DMD: variants seen among roughly 807,000 people sequenced by gnomAD.
DMD encodes the protein mutant dystrophin.
A neutral mutation model predicts 330.1 loss-of-function variants in DMD; 63 were observed. That is an observed-to-expected ratio of 0.19 (90% CI 0.16 to 0.24). DMD has a LOEUF of 0.24. DMD is among the 10% of genes least tolerant of loss of function. The probability of loss-of-function intolerance (pLI) is 1.00; values close to 1 mark genes in which losing one functional copy is unlikely to be tolerated. For synonymous variants in DMD, 1,223 were observed against 959.8 expected (o/e 1.27, Z -5.07); for missense variants, 3,344 against 2,684.1 (o/e 1.25, Z -5.43).
chrX:32,708,022 G>A (rs2064840881), intron 7 of DMD, among the ~76,000 whole-genome samples: 1 of 111,856 alleles, frequency 8.9e-6, no homozygotes, highest in Admixed American at 9.6e-5. Context: ...GTCAGTTTCA[G>A]AAGTAACTCC....
chrX:32,825,424 G>C (rs746749526), intron 4 of DMD, among the ~76,000 whole-genome samples: 1 of 111,305 alleles, frequency 9.0e-6, no homozygotes, highest in Admixed American at 9.6e-5. Context: ...CCTGATAAAG[G>C]AAAGTAAGGT....
intron 36 of DMD, among the ~76,000 whole-genome samples, chrX:32,363,472 G>A (rs980291947): frequency 1.2e-4 from 13 of 111,687 alleles, no homozygotes; most frequent in Admixed American, 2.9e-4. Context: ...TAACACATAC[G>A]AATTTTCTGT....
intron 69 of DMD, 101 bp from the exon 70 acceptor site, chrX:31,178,906 GGA>G (rs1237705739): frequency 9.8e-7 from 1 of 1,021,747 alleles, no homozygotes; most frequent in Non-Finnish European, 1.4e-6. Flanking sequence ...TTGTAATTAA[GGA>G]GAGTGTTGTG....
At chrX:32,220,017 A>G (rs565068853) in intron 43 of DMD, among the ~76,000 whole-genome samples, 54 of 111,478 alleles carry the variant, frequency 4.8e-4, no homozygotes, top group African/African-American at 1.6e-3. Flanking sequence ...AAGGGTTCAT[A>G]CACTTGCTCA....
chrX:32,167,889 A>G (rs984779778), intron 44 of DMD, among the ~76,000 whole-genome samples: 3 of 112,637 alleles, frequency 2.7e-5, no homozygotes, highest in African/African-American at 9.7e-5. Context: ...GGGAAATTCA[A>G]AAATAAATAC....
chrX:32,658,268 T>C (rs1367350768), intron 9 of DMD, among the ~76,000 whole-genome samples: 1 of 111,307 alleles, frequency 9.0e-6, no homozygotes, highest in Admixed American at 9.6e-5. Context: ...CCCCAAAATA[T>C]AGAAACTTAT....
chrX:31,208,037 GCTT>G (rs1286728555), intron 65 of DMD, among the ~76,000 whole-genome samples: 1 of 111,335 alleles, frequency 9.0e-6, no homozygotes, highest in Non-Finnish European at 1.9e-5. Flanking sequence ...TAGTTTTTTG[GCTT>G]CTTATTTTAT....
chrX:31,361,756 C>A (rs1052122773), intron 60 of DMD, among the ~76,000 whole-genome samples: 8 of 107,708 alleles, frequency 7.4e-5, no homozygotes, highest in Non-Finnish European at 1.3e-4. Flanking sequence ...AACAAGTCAT[C>A]ATTCTCTTAC....
intron 1 of DMD, among the ~76,000 whole-genome samples, chrX:33,125,536 C>T (rs986521605): frequency 9.0e-6 from 1 of 111,150 alleles, no homozygotes; most frequent in Admixed American, 9.7e-5. Flanking sequence ...CGTTGCGCCC[C>T]ATTAGAATAC....
chrX:32,762,384 C>T (rs2072437611), intron 7 of DMD, among the ~76,000 whole-genome samples: 1 of 111,471 alleles, frequency 9.0e-6, no homozygotes, highest in South Asian at 3.8e-4. Context: ...ATTCTCCTAG[C>T]TACTGGCTAT....
rs2075352859 is a variant in DMD at position 31,564,258 on chromosome X, T to C, written c.8218-56805A>G. On this transcript the variant is annotated intron_variant, in intron 55 of 78. Coordinates refer to ENST00000357033, the MANE Select transcript of DMD (RefSeq NM_004006.3). ...CATCCAGTTTGTGGTATTTCACTAT[T>C]GCAGTCATAGGAAACAAATACATTC... Among the ~76,000 whole-genome samples the C allele has an allele frequency of 2.7e-5, 3 of 111,968 alleles. No homozygotes were observed. In the Admixed American group the frequency reaches 2.8e-4, roughly 11 times the overall value.
At chrX:31,725,101 G>A (rs1423382337) in intron 52 of DMD, among the ~76,000 whole-genome samples, 1 of 111,468 alleles carries the variant, frequency 9.0e-6, no homozygotes, top group African/African-American at 3.3e-5. Flanking sequence ...TCCATTTGAT[G>A]TGCCTCGGGC....
chrX:31,244,958 C>T (rs777339752), intron 63 of DMD, among the ~76,000 whole-genome samples: 1 of 111,736 alleles, frequency 8.9e-6, no homozygotes, highest in African/African-American at 3.3e-5. Flanking sequence ...ATACATGGCA[C>T]GCTCTTAAAT....
At chrX:31,733,815 T>C (rs1336762248) in intron 51 of DMD, among the ~76,000 whole-genome samples, 1 of 111,119 alleles carries the variant, frequency 9.0e-6, no homozygotes, top group Non-Finnish European at 1.9e-5. Context: ...TCGAAAACCA[T>C]CCTCATTGTC....
At chrX:31,888,877 C>T (rs780800460) in intron 47 of DMD, among the ~76,000 whole-genome samples, 1 of 112,157 alleles carries the variant, frequency 8.9e-6, no homozygotes, top group Admixed American at 9.5e-5. Flanking sequence ...GCATAGCTCT[C>T]GGAATATTAC....
At chrX:31,174,966 C>T (rs997140669) in intron 71 of DMD, among the ~76,000 whole-genome samples, 1 of 111,301 alleles carries the variant, frequency 9.0e-6, no homozygotes, top group Non-Finnish European at 1.9e-5. Flanking sequence ...GGAAACAAAA[C>T]GATGACTACT....
intron 7 of DMD, among the ~76,000 whole-genome samples, chrX:32,765,314 A>G (rs1454554172): frequency 9.1e-6 from 1 of 110,110 alleles, no homozygotes; most frequent in African/African-American, 3.3e-5. Flanking sequence ...TATTCTCGTG[A>G]TAGAGAGTTC....
intron 1 of DMD, among the ~76,000 whole-genome samples, chrX:33,279,881 T>C (rs1390396246): frequency 1.1e-5 from 1 of 89,390 alleles, no homozygotes; most frequent in East Asian, 3.3e-4. Context: ...TCTGTGCCTG[T>C]CTTTTGTCCA....
chrX:32,956,777 G>A (rs2091619302), intron 2 of DMD, among the ~76,000 whole-genome samples: 1 of 111,104 alleles, frequency 9.0e-6, no homozygotes, highest in Non-Finnish European at 1.9e-5. Flanking sequence ...CTTGTCTTGT[G>A]CTGGTTTTCC....
Sources: gnomAD v4.1 joint callset for allele counts (sites outside exome capture counted in the v4.1 genomes callset) on GRCh38, gnomAD v4.1.1 for gene constraint, MANE v1.5 for transcripts, NCBI Gene and HGNC (gene_info 2026-07-23, HGNC 2026-07-21) for gene names.